Variants in EXOSC10 observed in about 807,000 individuals in gnomAD.
EXOSC10 encodes exosome complex component 10.
Under a neutral mutation model 126.6 loss-of-function variants are expected in EXOSC10, and 94 were observed. The ratio of observed to expected loss-of-function variants is 0.74; its 90% CI spans 0.63 to 0.88. The LOEUF (loss-of-function observed/expected upper bound fraction) is 0.88. Ranked by LOEUF, EXOSC10 falls within the 40% of genes least tolerant of loss-of-function variation. The pLI is 0.00. For synonymous variants in EXOSC10, 395 were observed against 400.8 expected (o/e 0.99, Z 0.17); for missense variants, 1,041 against 1,100.5 (o/e 0.95, Z 0.77).
At chr1:11,074,481 C>G (rs1317241707) in intron 17 of EXOSC10, among the ~76,000 whole-genome samples, 155 bp from the exon 18 acceptor site, 2 of 151,438 alleles carry the variant, frequency 1.3e-5, no homozygotes, top group African/African-American at 4.9e-5. Flanking sequence ...GGTGTGATCT[C>G]TGCTCACTGC....
chr1:11,085,557 C>T (rs973921436), intron 9 of EXOSC10, among the ~76,000 whole-genome samples: 8 of 152,158 alleles, frequency 5.3e-5, no homozygotes, highest in African/African-American at 1.2e-4. Flanking sequence ...ACAATCATGT[C>T]ATCTGCAAAC....
Position 11,087,607 on chromosome 1 carries a change from G to A in EXOSC10, c.946-16C>T. Reference sequence around the variant, plus strand: ...AAGAGTGGTGCTAAACCCCACAGAAGGAGGGGAGAAGAGGAAAAACAAAGA... The same window carrying A: ...AAGAGTGGTGCTAAACCCCACAGAAAGAGGGGAGAAGAGGAAAAACAAAGA... On this transcript the variant is annotated splice_polypyrimidine_tract_variant and intron_variant, in intron 8 of 24. Transcript: ENST00000376936. 1 of 1,612,690 alleles carries A rather than the reference G, an allele frequency of 6.2e-7. No homozygotes were observed. Among genetic ancestry groups the A allele is most frequent in the South Asian group, 1.1e-5 (1 of 90,758 alleles).
chr1:11,069,615 G>A lies in EXOSC10; in HGVS notation c.2432C>T (p.Pro811Leu), dbSNP rs759376992. ...ISKKPKDPEP[P>L]EKEFTPYDYS... ...GTCGTAAGGCGTAAACTCTTTTTCT[G>A]GTGGCTCTGGGTCCTTTGGCTTCTT... is the stretch of plus-strand genomic sequence containing the variant. The change falls in exon 22 of 25, where the codon CCA becomes CTA. Residue 811 changes from proline (P) to leucine (L), a missense_variant. By Grantham distance (98) the Pro-to-Leu change is moderately conservative. Around this residue, in one of 3 missense-constraint regions of EXOSC10, gnomAD observed 388 missense variants for 415.2 expected, o/e 0.93. Transcript: ENST00000376936. 5.6e-6 allele frequency: 9 copies of A among 1,614,128 alleles called. No individual in the cohort carries two copies. The South Asian group carries it at 9.9e-5, about 18-fold the overall frequency.
chr1:11,098,068 G>A lies in EXOSC10; in HGVS notation c.200C>T (p.Pro67Leu), dbSNP rs1557723772. The A allele has an allele frequency of 5.6e-6, 9 of 1,611,932 alleles. No individual in the cohort carries two copies. The highest frequency in any genetic ancestry group is 7.6e-6 in the Non-Finnish European group (9 of 1,179,352). The change falls in exon 2 of 25, where the codon CCT (proline) becomes CTT (leucine). Residue 67 changes from proline to leucine, a missense_variant. Pro to Leu is a moderately conservative substitution (Grantham distance 98, BLOSUM62 -3). Around this residue, in one of 3 missense-constraint regions of EXOSC10, gnomAD observed 645 missense variants for 656.3 expected, o/e 0.98. Coordinates refer to ENST00000376936, the MANE Select transcript of EXOSC10 (RefSeq NM_001001998.3). ...TGTTTCGCAAAATGCTTGGAAGCCAGGAAAACTTCGGTAAAAATCATACTC... is the reference window on the plus strand; with the variant it reads ...TGTTTCGCAAAATGCTTGGAAGCCAAGAAAACTTCGGTAAAAATCATACTC... ...GDEYDFYRSF[P>L]GFQAFCETQG...
At chr1:11,096,837 C>T (rs889075631) in intron 2 of EXOSC10, among the ~76,000 whole-genome samples, 2 of 152,084 alleles carry the variant, frequency 1.3e-5, no homozygotes, top group Non-Finnish European at 2.9e-5. Context: ...CAGTGGCTCA[C>T]ACCTGTAATC....
Position 11,081,135 on chromosome 1 carries a change from G to A in EXOSC10, c.1384C>T (p.Gln462Ter). ...RLEMWERGNG[Q>*]PVQLQVVWQR... ...CACACCACCTGCAGCTGCACCGGCT[G>A]CCCGTTGCCGCGCTCCCACATCTCC... The change falls in exon 11 of 25, where the codon CAG (glutamine) becomes TAG (stop). Residue 462 changes from glutamine (Q) to a stop codon, truncating the protein, a stop_gained. Transcript: ENST00000376936. LOFTEE classifies it high-confidence loss of function. The A allele has an allele frequency of 6.2e-7, 1 of 1,614,172 alleles. No individual in the cohort carries two copies. The highest frequency in any genetic ancestry group is 8.5e-7 in the Non-Finnish European group (1 of 1,180,034).
Position 11,099,763 on chromosome 1 carries a change from C to A in EXOSC10, c.69G>T (p.Glu23Asp), listed in dbSNP as rs753843423. 10 of 1,612,316 alleles carry A rather than the reference C, an allele frequency of 6.2e-6. 1 individual carries two copies. The African/African-American group carries it at 1.2e-4, about 19-fold the overall frequency. The change falls in exon 1 of 25, where the codon GAG becomes GAT. Residue 23 changes from glutamate to aspartate, a missense_variant. Glu to Asp is a conservative substitution (Grantham distance 45, BLOSUM62 2). Coordinates refer to ENST00000376936, the MANE Select transcript of EXOSC10 (RefSeq NM_001001998.3). ...SATSATKSDG[E>D]MVLPGFPDAD... ...CGTCCGGGAAGCCTGGCAGCACCAT[C>A]TCTCCGTCGGATTTGGTTGCGCTGG...
At chr1:11,097,595 G>A (rs528942608) in intron 2 of EXOSC10, among the ~76,000 whole-genome samples, 5 of 151,026 alleles carry the variant, frequency 3.3e-5, no homozygotes, top group African/African-American at 7.3e-5. Flanking sequence ...GCGTGTTGAC[G>A]GGCACCTGTA....
At chr1:11,091,250 T>C in intron 4 of EXOSC10, 71 bp from the exon 5 acceptor site, 1 of 1,455,622 alleles carries the variant, frequency 6.9e-7, no homozygotes, top group Non-Finnish European at 9.4e-7. Context: ...TTCCAATTTA[T>C]GACTTCTGAG....
Position 11,099,812 on chromosome 1 carries a change from C to G in EXOSC10, c.20G>C (p.Arg7Pro). The change falls in exon 1 of 25, where the codon CGG becomes CCG. Residue 7 changes from arginine (R) to proline (P), a missense_variant. Coordinates refer to ENST00000376936, the MANE Select transcript of EXOSC10 (RefSeq NM_001001998.3). Reference protein sequence around the residue: MAPPSTREPRVLSATSA... With the variant: MAPPSTPEPRVLSATSA... ...GGTCGCCGACAGGACCCTGGGCTCC[C>G]GGGTACTGGGTGGCGCCATTTTTTC... 6.2e-7 allele frequency: 1 copy of G among 1,610,676 alleles called. No individual in the cohort carries two copies. Among genetic ancestry groups the G allele is most frequent in the Non-Finnish European group, 8.5e-7 (1 of 1,178,408 alleles).
Position 11,066,681 on chromosome 1 carries a change from G to A in EXOSC10, c.*37C>T, listed in dbSNP as rs776074452. On this transcript the variant is annotated 3_prime_UTR_variant, in exon 25 of 25. Coordinates refer to ENST00000376936, the MANE Select transcript of EXOSC10 (RefSeq NM_001001998.3). ...TGTACAAAAGCAGCACCAGCATTTG[G>A]TGCTTCCGGTCCACAGGCGCCACGT... 5.0e-6 allele frequency: 8 copies of A among 1,612,274 alleles called. No homozygotes were observed. Among genetic ancestry groups the A allele is most frequent in the Admixed American group, 3.3e-5 (2 of 59,992 alleles).
intron 2 of EXOSC10, 60 bp from the exon 3 acceptor site, chr1:11,095,941 T>A: frequency 6.3e-7 from 1 of 1,579,364 alleles, no homozygotes; most frequent in Non-Finnish European, 8.6e-7. Flanking sequence ...TTACATTCTG[T>A]GAGAGAGAAT....
At chr1:11,070,428 G>C (rs959591178) in intron 21 of EXOSC10, among the ~76,000 whole-genome samples, 1 of 151,468 alleles carries the variant, frequency 6.6e-6, no homozygotes, top group Non-Finnish European at 1.5e-5. Flanking sequence ...TGGTTGAGGA[G>C]GGAGGATCGT....
Position 11,080,835 on chromosome 1 carries a change from CTG to C in EXOSC10, c.1513_1514del (p.Gln505AlafsTer14). On this transcript the variant is annotated frameshift_variant, in exon 12 of 25. Transcript: ENST00000376936. LOFTEE classifies it high-confidence loss of function. ...ACAGCAGCTGAAAGGCTGTCAACTG[CTG>C]TGTGTTAAGGTGCTTCTTCTGCTTC... ...YRKQKKHLNTQQLTAFQLLFA... is the reference protein window; with the variant it reads ...YRKQKKHLNTXQLTAFQLLFA... The C allele has an allele frequency of 6.2e-7, 1 of 1,614,152 alleles. No homozygotes were observed. Among genetic ancestry groups the C allele is most frequent in the Non-Finnish European group, 8.5e-7 (1 of 1,180,010 alleles).
intron 9 of EXOSC10, among the ~76,000 whole-genome samples, chr1:11,086,016 G>A (rs545974534): frequency 4.6e-5 from 7 of 150,978 alleles, no homozygotes; most frequent in African/African-American, 1.5e-4. Context: ...TGCTGGATTC[G>A]GTTTGCCAGT....
intron 6 of EXOSC10, among the ~76,000 whole-genome samples, chr1:11,090,296 C>G (rs953458194): frequency 6.6e-6 from 1 of 152,212 alleles, no homozygotes; most frequent in Admixed American, 6.5e-5. Context: ...CCGCGCCCAG[C>G]CTTCGTGTTT....
In EXOSC10 at chr1:11,085,235, C is replaced by T. The variant is rs537667662; in HGVS notation, c.1089+2213G>A. Among the ~76,000 whole-genome samples the T allele has an allele frequency of 1.5e-4, 23 of 152,156 alleles. 1 individual carries two copies. The South Asian group carries it at 3.5e-3, about 23-fold the overall frequency. ...ACCTTGGACAGTATGGCCATTTTCA[C>T]GATATTGATTCTTCCTACCCATGAG... is the stretch of plus-strand genomic sequence containing the variant. On this transcript the variant is annotated intron_variant, in intron 9 of 24. Coordinates refer to ENST00000376936, the MANE Select transcript of EXOSC10 (RefSeq NM_001001998.3).
chr1:11,082,327 G>GCACACACACA (rs151047804), intron 10 of EXOSC10, among the ~76,000 whole-genome samples: 1 of 149,392 alleles, frequency 6.7e-6, no homozygotes, highest in Admixed American at 6.7e-5. Flanking sequence ...AGGTCATCTT[G>GCACACACACA]CACACACACA....
intron 22 of EXOSC10, among the ~76,000 whole-genome samples, 185 bp downstream of exon 22, chr1:11,069,374 A>T (rs751884418): frequency 4.6e-5 from 7 of 152,096 alleles, no homozygotes; most frequent in African/African-American, 1.7e-4. Context: ...CCCATGGAGG[A>T]GGTGGTAATG....
Sources: gnomAD v4.1 joint callset for allele counts (sites outside exome capture counted in the v4.1 genomes callset) on GRCh38, gnomAD v4.1.1 for gene constraint, gnomAD v4.1.1 regional missense constraint, MANE v1.5 for transcripts, NCBI Gene and HGNC (gene_info 2026-07-23, HGNC 2026-07-21) for gene names.